Variants in GPR155 observed in about 807,000 individuals in gnomAD.
GPR155 encodes the protein G protein-coupled receptor 155.
Under a neutral mutation model 93.1 loss-of-function variants are expected in GPR155, and 65 were observed. The ratio of observed to expected loss-of-function variants is 0.70; its 90% CI spans 0.57 to 0.86. The LOEUF is 0.86. Among genes scored for constraint, GPR155 ranks in the 40% least tolerant of loss-of-function variants. The pLI, the probability that GPR155 is intolerant of heterozygous loss-of-function variation, is 0.00. For synonymous variants in GPR155, 319 were observed against 360.1 expected (o/e 0.89, Z 1.29); for missense variants, 838 against 1,034.8 (o/e 0.81, Z 2.61).
Position 174,435,154 on chromosome 2 carries a change from C to T in GPR155, c.*962G>A, listed in dbSNP as rs1032802209. On this transcript the variant is annotated 3_prime_UTR_variant, in exon 16 of 16. Transcript: ENST00000392552. ...AATTATAGTAAACAGTTGCAGAAAGCAATGATTATATAATGTTGGCATATT... is the reference window on the plus strand; with the variant it reads ...AATTATAGTAAACAGTTGCAGAAAGTAATGATTATATAATGTTGGCATATT... The T allele has an allele frequency of 3.9e-5, 6 of 152,090 alleles. No homozygotes were observed. Among genetic ancestry groups the T allele is most frequent in the Admixed American group, 6.5e-5 (1 of 15,278 alleles). 9.4% of individuals were successfully genotyped at this position (152,090 alleles called of 1,614,324 possible).
At chr2:174,479,246 T>G (rs968432175) in intron 2 of GPR155, among the ~76,000 whole-genome samples, 1 of 152,216 alleles carries the variant, frequency 6.6e-6, no homozygotes, top group Admixed American at 6.5e-5. Flanking sequence ...TGCCTCAATA[T>G]GACAATAGAT....
At chr2:174,477,366 C>T (rs1459836895) in intron 2 of GPR155, among the ~76,000 whole-genome samples, 1 of 151,990 alleles carries the variant, frequency 6.6e-6, no homozygotes, top group Non-Finnish European at 1.5e-5. Context: ...TATTAACCAT[C>T]GTCACCATGT....
At chr2:174,467,410 G>T (rs1054532624) in intron 5 of GPR155, among the ~76,000 whole-genome samples, 2 of 152,012 alleles carry the variant, frequency 1.3e-5, no homozygotes, top group African/African-American at 4.8e-5. Context: ...GAACCCAGGA[G>T]GGAGAAGTTG....
At chr2:174,457,027 C>G (rs1393395490) in intron 10 of GPR155, among the ~76,000 whole-genome samples, 1 of 152,140 alleles carries the variant, frequency 6.6e-6, no homozygotes, top group Non-Finnish European at 1.5e-5. Context: ...AAAAAGAAAA[C>G]TGGGCCAGGC....
chr2:174,468,093 A>G (rs1687892900), intron 5 of GPR155, among the ~76,000 whole-genome samples: 1 of 152,172 alleles, frequency 6.6e-6, no homozygotes, highest in African/African-American at 2.4e-5. Flanking sequence ...TGGCCAGGTA[A>G]GTATCCTGGC....
intron 10 of GPR155, among the ~76,000 whole-genome samples, chr2:174,454,477 ACT>A (rs1460578402): frequency 3.3e-5 from 5 of 151,950 alleles, no homozygotes; most frequent in Non-Finnish European, 7.4e-5. Context: ...ATACAGCAAG[ACT>A]CTGTCTTTAC....
Position 174,459,179 on chromosome 2 carries a change from G to A in GPR155, c.1771+699C>T, listed in dbSNP as rs140158805. Among the ~76,000 whole-genome samples the A allele has an allele frequency of 2.6e-4, 40 of 152,278 alleles. 1 individual carries two copies. The East Asian group carries it at 7.7e-3, about 29-fold the overall frequency. ...GGCCAGATTTGGCCTATGGACTATA[G>A]TTTGCCCAAAACTGACTTACATCAT... On this transcript the variant is annotated intron_variant, in intron 10 of 15. Coordinates refer to ENST00000392552, the MANE Select transcript of GPR155 (RefSeq NM_152529.7).
chr2:174,446,837 G>T, intron 11 of GPR155, 90 bp from the exon 12 acceptor site: 1 of 1,156,594 alleles, frequency 8.6e-7, no homozygotes, highest in South Asian at 1.3e-5. Context: ...AGAAACAACA[G>T]AAAAGCACAT....
chr2:174,465,463 C>A (rs1687811326), intron 7 of GPR155, among the ~76,000 whole-genome samples: 1 of 152,184 alleles, frequency 6.6e-6, no homozygotes, highest in South Asian at 2.1e-4. Context: ...ACGCATCTTT[C>A]CCATTCCCGC....
chr2:174,476,349 TAATCCCAGC>T (rs914541321), intron 2 of GPR155, among the ~76,000 whole-genome samples: 3 of 152,318 alleles, frequency 2.0e-5, no homozygotes, highest in Middle Eastern at 3.4e-3. Context: ...CTCATGCCTG[TAATCCCAGC>T]ACTTTGGGAG....
chr2:174,474,023 T>C (rs1688074496), intron 2 of GPR155, among the ~76,000 whole-genome samples: 1 of 152,054 alleles, frequency 6.6e-6, no homozygotes, highest in Non-Finnish European at 1.5e-5. Context: ...GTGGCTGAAA[T>C]GGAGTAAAGG....
At chr2:174,451,394 T>A (rs12151549) in intron 11 of GPR155, among the ~76,000 whole-genome samples, 1 of 151,836 alleles carries the variant, frequency 6.6e-6, no homozygotes, top group South Asian at 2.1e-4. Flanking sequence ...TCATACATTG[T>A]TGCCATTCAA....
chr2:174,467,922 G>A (rs1687887154), intron 5 of GPR155, among the ~76,000 whole-genome samples: 1 of 152,176 alleles, frequency 6.6e-6, no homozygotes, highest in Admixed American at 6.5e-5. Context: ...TTTTAGTAGA[G>A]ATGGGGATTC....
intron 7 of GPR155, 116 bp downstream of exon 7, chr2:174,465,669 G>C: frequency 1.7e-6 from 1 of 597,930 alleles, no homozygotes; most frequent in South Asian, 2.4e-5. Context: ...ATCTGCCTCA[G>C]TGCATGCCTT....
At chr2:174,481,457 T>C (rs763008049) in intron 2 of GPR155, 40 bp downstream of exon 2, 6 of 1,256,468 alleles carry the variant, frequency 4.8e-6, no homozygotes, top group African/African-American at 1.5e-5. Context: ...TAAATTAAAA[T>C]TGAATTTTTT....
chr2:174,481,381 T>C, intron 2 of GPR155, 116 bp downstream of exon 2: 4 of 645,590 alleles, frequency 6.2e-6, no homozygotes, highest in Non-Finnish European at 1.0e-5. Context: ...CTAAGACATA[T>C]TTGAGAAAAA....
chr2:174,474,561 T>C (rs1688089367), intron 2 of GPR155, among the ~76,000 whole-genome samples: 1 of 152,000 alleles, frequency 6.6e-6, no homozygotes, highest in Non-Finnish European at 1.5e-5. Flanking sequence ...TTATTTCAAC[T>C]GCTGTTCATT....
chr2:174,453,969 C>A (rs1188734525), intron 10 of GPR155, 128 bp from the exon 11 acceptor site: 12 of 655,550 alleles, frequency 1.8e-5, no homozygotes, highest in Non-Finnish European at 1.7e-5. Flanking sequence ...CAATAGTTTT[C>A]ACATGGTATC....
In GPR155 at chr2:174,472,992, AC is replaced by A; in HGVS notation, c.832del (p.Val278TyrfsTer2). 1 of 1,591,538 alleles carries A rather than the reference AC, an allele frequency of 6.3e-7. No individual in the cohort carries two copies. Among genetic ancestry groups the A allele is most frequent in the South Asian group, 1.2e-5 (1 of 85,830 alleles). On this transcript the variant is annotated frameshift_variant, in exon 3 of 16. Coordinates refer to ENST00000392552, the MANE Select transcript of GPR155 (RefSeq NM_152529.7). LOFTEE classifies it high-confidence loss of function. ...IKRLKKSAFV[V>X]LILLITAKLL... ...TTTAGCTGTGATGAGAAGAATTAGT[AC>A]TACAAATGCCGACTTCTTCAGTCTC...
Sources: gnomAD v4.1 joint callset for allele counts (sites outside exome capture counted in the v4.1 genomes callset) on GRCh38, gnomAD v4.1.1 for gene constraint, MANE v1.5 for transcripts, NCBI Gene and HGNC (gene_info 2026-07-23, HGNC 2026-07-21) for gene names.